Variants in EPB41L2 observed in about 807,000 individuals in gnomAD.
EPB41L2 encodes band 4.1-like protein 2.
A neutral mutation model predicts 113.0 loss-of-function variants in EPB41L2; 43 were observed. That is an observed-to-expected ratio of 0.38 (90% CI 0.30 to 0.49). The LOEUF (loss-of-function observed/expected upper bound fraction) is 0.49, where lower values mean the gene tolerates loss of function less well. Among genes scored for constraint, EPB41L2 ranks in the 20% least tolerant of loss-of-function variants. The pLI is 0.95. For synonymous variants in EPB41L2, 442 were observed against 436.7 expected (o/e 1.01, Z -0.15); for missense variants, 1,147 against 1,223.4 (o/e 0.94, Z 0.93).
intron 3 of EPB41L2, among the ~76,000 whole-genome samples, chr6:130,943,866 C>A (rs957523769): frequency 4.6e-5 from 7 of 152,234 alleles, no homozygotes; most frequent in African/African-American, 1.4e-4. Context: ...ACAACCTGGT[C>A]TGATAGCAGC....
chr6:130,847,394 C>T (rs540520083), intron 19 of EPB41L2, among the ~76,000 whole-genome samples: 24 of 152,232 alleles, frequency 1.6e-4, no homozygotes, highest in Middle Eastern at 6.8e-3. Flanking sequence ...CTATGCCTTC[C>T]CCTCTCACAC....
chr6:130,924,998 A>C (rs1804162760), intron 4 of EPB41L2, among the ~76,000 whole-genome samples: 1 of 152,002 alleles, frequency 6.6e-6, no homozygotes, highest in African/African-American at 2.4e-5. Flanking sequence ...GATGACAGAC[A>C]GAGGGAATTG....
chr6:130,976,900 A>G (rs1030141642), intron 1 of EPB41L2, among the ~76,000 whole-genome samples: 2 of 152,228 alleles, frequency 1.3e-5, no homozygotes, highest in African/African-American at 4.8e-5. Flanking sequence ...CTTGCCCACA[A>G]GAATCTACTG....
chr6:130,876,570 A>G, intron 14 of EPB41L2: 1 of 589,578 alleles, frequency 1.7e-6, no homozygotes. Context: ...TTTCAAAAAA[A>G]TTTTAGTATG....
intron 6 of EPB41L2, 46 bp downstream of exon 6, chr6:130,904,419 G>T (rs193025534): frequency 7.5e-6 from 10 of 1,340,348 alleles, no homozygotes; most frequent in Admixed American, 1.9e-5. Flanking sequence ...AAAAATAAAC[G>T]AGAGCTGTAA....
Position 130,870,116 on chromosome 6 carries a change from T to A in EPB41L2, c.2054A>T (p.Glu685Val). Residue 685 changes from glutamate to valine, a missense_variant, in exon 15 of 20, where the codon GAG becomes GTG. Transcript: ENST00000337057. ...LSLQTQGSSH[E>V]TLNIVEEKKR... The stretch of plus-strand genomic sequence containing the variant: ...CTTCTCCTCCACTATATTCAGAGTC[T>A]CATGTGAACTCTGTACAAAAAAAGA... 1 of 1,599,470 alleles carries A rather than the reference T, an allele frequency of 6.3e-7. No homozygotes were observed. Among genetic ancestry groups the A allele is most frequent in the Non-Finnish European group, 8.5e-7 (1 of 1,172,168 alleles).
chr6:130,991,218 C>A (rs1781781658), intron 1 of EPB41L2, among the ~76,000 whole-genome samples: 1 of 152,078 alleles, frequency 6.6e-6, no homozygotes, highest in African/African-American at 2.4e-5. Flanking sequence ...CCTTTTCTAC[C>A]CTGATTTCCA....
intron 1 of EPB41L2, among the ~76,000 whole-genome samples, chr6:131,020,738 G>T (rs1789263060): frequency 1.3e-5 from 2 of 152,212 alleles, no homozygotes; most frequent in Non-Finnish European, 2.9e-5. Flanking sequence ...TTTCCCATGA[G>T]TCTTCGGCTC....
chr6:130,861,229 C>T (rs1781917121), intron 18 of EPB41L2, among the ~76,000 whole-genome samples: 1 of 151,990 alleles, frequency 6.6e-6, no homozygotes, highest in Non-Finnish European at 1.5e-5. Context: ...CCCGCCACTA[C>T]ACCCGGCTAA....
chr6:131,025,564 C>G (rs13193708), intron 1 of EPB41L2, among the ~76,000 whole-genome samples: 4,326 of 152,248 alleles, frequency 0.028, 80 homozygotes, highest in South Asian at 0.092. Context: ...GTGGCTCTGT[C>G]AAAAATTAAT....
intron 4 of EPB41L2, among the ~76,000 whole-genome samples, chr6:130,910,266 C>G (rs562328652): frequency 6.6e-6 from 1 of 152,188 alleles, no homozygotes; most frequent in Non-Finnish European, 1.5e-5. Flanking sequence ...GTGACAAAAA[C>G]AAGCAATGAG....
chr6:131,006,468 C>A (rs1785551478), intron 1 of EPB41L2, among the ~76,000 whole-genome samples: 1 of 151,624 alleles, frequency 6.6e-6, no homozygotes, highest in Admixed American at 6.6e-5. Context: ...TCGAGACGAG[C>A]CTAGTCAACA....
intron 19 of EPB41L2, among the ~76,000 whole-genome samples, chr6:130,847,191 C>T (rs1165166476): frequency 6.6e-6 from 1 of 152,156 alleles, no homozygotes; most frequent in Admixed American, 6.5e-5. Flanking sequence ...CTCTTTCTTC[C>T]CTCCCCAATC....
At chr6:130,857,988 C>T (rs1324941195) in intron 19 of EPB41L2, 143 bp downstream of exon 19, 8 of 672,392 alleles carry the variant, frequency 1.2e-5, no homozygotes, top group South Asian at 3.2e-5. Context: ...CGAGCAGATG[C>T]ACCTGGGGAT....
intron 1 of EPB41L2, among the ~76,000 whole-genome samples, chr6:131,037,984 T>C (rs1445673673): frequency 2.6e-5 from 4 of 152,206 alleles, no homozygotes; most frequent in Non-Finnish European, 5.9e-5. Flanking sequence ...TTATCAAGCA[T>C]TATGTCCTTT....
At chr6:130,964,508 T>C (rs1244641789) in intron 1 of EPB41L2, among the ~76,000 whole-genome samples, 1 of 147,396 alleles carries the variant, frequency 6.8e-6, no homozygotes, top group Non-Finnish European at 1.5e-5. Context: ...AAAAAAAGGA[T>C]ACAAAATGTA....
chr6:130,978,288 AGAGTGTGGTGGG>A (rs573047837), intron 1 of EPB41L2, among the ~76,000 whole-genome samples: 2 of 152,366 alleles, frequency 1.3e-5, no homozygotes, highest in South Asian at 4.1e-4. Context: ...CTACAAACCC[AGAGTGTGGTGGG>A]GAGGTACAGC....
chr6:130,870,360 C>T (rs1165158198), intron 14 of EPB41L2: 1 of 1,550,502 alleles, frequency 6.4e-7, no homozygotes, highest in Non-Finnish European at 8.7e-7. Context: ...GTGCAAGGCC[C>T]TTCTGACTCG....
chr6:130,847,324 T>A (rs1490338486), intron 19 of EPB41L2, among the ~76,000 whole-genome samples: 2 of 152,220 alleles, frequency 1.3e-5, no homozygotes, highest in Non-Finnish European at 2.9e-5. Flanking sequence ...CAGCCCTTTA[T>A]CTAGGCTTCT....
Sources: allele counts gnomAD v4.1 joint callset (sites outside exome capture counted in the v4.1 genomes callset), GRCh38; gene constraint gnomAD v4.1.1; transcripts MANE v1.5; gene names NCBI Gene and HGNC (gene_info 2026-07-23, HGNC 2026-07-21).